The following GALNT13 variants were observed in gnomAD, a reference collection of about 807,000 sequenced individuals.
GALNT13 encodes polypeptide N-acetylgalactosaminyltransferase 13, also known as UDP-GalNAc:polypeptide N-acetylgalactosaminyltransferase 13.
In GALNT13, 28 loss-of-function variants were observed where a neutral mutation model predicts 64.2. That is an observed-to-expected ratio of 0.44 (90% CI 0.32 to 0.60). The LOEUF is 0.60. Among genes scored for constraint, GALNT13 ranks in the 20% least tolerant of loss-of-function variants. The pLI is 0.05. For missense variants in GALNT13, 577 were observed against 669.8 expected (o/e 0.86, Z 1.53); for synonymous variants, 214 against 224.6 (o/e 0.95, Z 0.42).
the GALNT13 span, among the ~76,000 whole-genome samples, chr2:153,859,849 A>G: frequency 6.6e-6 from 1 of 152,200 alleles, no homozygotes; most frequent in South Asian, 2.1e-4. Flanking sequence ...AAATACTACC[A>G]TACATTCAGC....
chr2:154,245,639 A>C (rs1184096618), intron 6 of GALNT13, among the ~76,000 whole-genome samples, 173 bp from the exon 7 acceptor site: 1 of 152,224 alleles, frequency 6.6e-6, no homozygotes, highest in African/African-American at 2.4e-5. Flanking sequence ...AACTGTAAGG[A>C]ATATGTAGTC....
At chr2:154,443,346 A>G (rs916128010) in intron 12 of GALNT13, among the ~76,000 whole-genome samples, 1 of 152,048 alleles carries the variant, frequency 6.6e-6, no homozygotes, top group African/African-American at 2.4e-5. Flanking sequence ...TTGTCTGGAG[A>G]TCATAATTAA....
At chr2:153,590,964 C>T in the GALNT13 span, among the ~76,000 whole-genome samples, 6 of 138,302 alleles carry the variant, frequency 4.3e-5, no homozygotes, top group African/African-American at 1.7e-4. Flanking sequence ...GAAGTCTTAG[C>T]CAGAGAAATC....
chr2:154,382,509 A>C (rs2105334415), intron 9 of GALNT13, among the ~76,000 whole-genome samples: 1 of 152,188 alleles, frequency 6.6e-6, no homozygotes, highest in East Asian at 1.9e-4. Flanking sequence ...TGCTAGAAGA[A>C]GATAAATACT....
chr2:154,110,372 GAGAGAC>G (rs1208777095), intron 3 of GALNT13, among the ~76,000 whole-genome samples: 1,342 of 98,984 alleles, frequency 0.014, 55 homozygotes, highest in East Asian at 0.12. Flanking sequence ...GAGAGAGAGA[GAGAGAC>G]AGAGAGAGAG....
intron 3 of GALNT13, among the ~76,000 whole-genome samples, chr2:154,117,288 C>T (rs929533140): frequency 6.6e-6 from 1 of 152,188 alleles, no homozygotes; most frequent in Non-Finnish European, 1.5e-5. Context: ...ACTCAGTCAA[C>T]ACTTAATCAT....
At chr2:153,914,785 G>GT (rs955681744) in intron 2 of GALNT13, among the ~76,000 whole-genome samples, 3 of 151,684 alleles carry the variant, frequency 2.0e-5, no homozygotes, top group Admixed American at 6.6e-5. Context: ...TTTTTTCAGT[G>GT]TTTTTTTTCC....
intron 2 of GALNT13, among the ~76,000 whole-genome samples, chr2:153,931,319 A>G (rs1375369933): frequency 6.6e-6 from 1 of 151,212 alleles, no homozygotes; most frequent in Non-Finnish European, 1.5e-5. Flanking sequence ...CTCTCTTTCT[A>G]TTTGGATAGC....
At chr2:153,961,647 G>C (rs1194374763) in intron 3 of GALNT13, among the ~76,000 whole-genome samples, 2 of 152,038 alleles carry the variant, frequency 1.3e-5, no homozygotes, top group Non-Finnish European at 2.9e-5. Flanking sequence ...TTAGCAAAAT[G>C]CTTTCAAAAA....
intron 3 of GALNT13, among the ~76,000 whole-genome samples, chr2:154,103,513 C>T (rs549980567): frequency 3.9e-4 from 59 of 152,162 alleles, no homozygotes; most frequent in Non-Finnish European, 7.6e-4. Flanking sequence ...CATTGATATA[C>T]AGCTTGCATC....
intron 3 of GALNT13, among the ~76,000 whole-genome samples, chr2:153,980,528 T>C (rs965743262): frequency 6.6e-6 from 1 of 152,118 alleles, no homozygotes; most frequent in African/African-American, 2.4e-5. Context: ...GTAAATTGTT[T>C]ATGAGGTGTC....
At chr2:154,241,965 TC>T in intron 4 of GALNT13, 64 bp from the exon 5 acceptor site, 2 of 1,020,282 alleles carry the variant, frequency 2.0e-6, no homozygotes, top group Non-Finnish European at 2.8e-6. Context: ...TATGGATATT[TC>T]TTTTTAAAAT....
intron 8 of GALNT13, among the ~76,000 whole-genome samples, chr2:154,287,863 G>C (rs1692362555): frequency 6.6e-6 from 1 of 151,978 alleles, no homozygotes; most frequent in Non-Finnish European, 1.5e-5. Context: ...CAGTACCTTA[G>C]ATAAAAGAAC....
the GALNT13 span, among the ~76,000 whole-genome samples, chr2:153,104,199 T>A: frequency 6.6e-6 from 1 of 152,208 alleles, no homozygotes; most frequent in African/African-American, 2.4e-5. Context: ...AGCAATACTT[T>A]TTCCTTCTAA....
intron 3 of GALNT13, among the ~76,000 whole-genome samples, chr2:153,955,871 C>T (rs1270307564): frequency 1.3e-5 from 2 of 152,186 alleles, no homozygotes; most frequent in Non-Finnish European, 2.9e-5. Flanking sequence ...TTGAAGTCCT[C>T]TGGCTCTGGG....
At chr2:153,740,731 T>A in the GALNT13 span, among the ~76,000 whole-genome samples, 1 of 152,142 alleles carries the variant, frequency 6.6e-6, no homozygotes, top group Non-Finnish European at 1.5e-5. Context: ...TAACTCAAAT[T>A]GCAAACACTG....
At chr2:153,523,055 T>TTA in the GALNT13 span, among the ~76,000 whole-genome samples, 3 of 148,562 alleles carry the variant, frequency 2.0e-5, no homozygotes, top group African/African-American at 7.5e-5. Flanking sequence ...TTTTTTTTTT[T>TTA]TTTTTTTTTT....
At chr2:153,796,182 T>C in the GALNT13 span, among the ~76,000 whole-genome samples, 1 of 152,348 alleles carries the variant, frequency 6.6e-6, no homozygotes, top group East Asian at 1.9e-4. Flanking sequence ...CCCATTATAA[T>C]GCAAGAGCAT....
chr2:153,135,931 G>A, the GALNT13 span, among the ~76,000 whole-genome samples: 385 of 152,116 alleles, frequency 2.5e-3, 1 homozygote, highest in African/African-American at 8.9e-3. Context: ...CATGAAGTAC[G>A]AAACTCCAGA....
Sources: gnomAD v4.1 joint callset for allele counts (sites outside exome capture counted in the v4.1 genomes callset) on GRCh38, gnomAD v4.1.1 for gene constraint, MANE v1.5 for transcripts, NCBI Gene and HGNC (gene_info 2026-07-23, HGNC 2026-07-21) for gene names.